The following RNF130 variants were observed in gnomAD, a reference collection of about 807,000 sequenced individuals.
The protein encoded by RNF130 is E3 ubiquitin-protein ligase RNF130.
In RNF130, 21 loss-of-function variants were observed where a neutral mutation model predicts 44.6. The observed-to-expected ratio is 0.47, with a 90% CI of 0.33 to 0.68. RNF130 has a LOEUF of 0.68. Among genes scored for constraint, RNF130 ranks in the 30% least tolerant of loss-of-function variants. RNF130 has a pLI of 0.02. For missense variants in RNF130, 479 were observed against 560.6 expected, an observed-to-expected ratio of 0.85 and a Z score of 1.47; for synonymous variants, 214 against 210.4, an observed-to-expected ratio of 1.02 and a Z score of -0.15.
At chr5:180,022,296 A>C (rs1202267974) in intron 2 of RNF130, among the ~76,000 whole-genome samples, 1 of 152,136 alleles carries the variant, frequency 6.6e-6, no homozygotes, top group East Asian at 1.9e-4. Context: ...TGAAACCTTC[A>C]GTTTACTTTT....
In RNF130 at chr5:180,071,740, T is replaced by C. The variant is rs899665777; in HGVS notation, c.-38A>G. On this transcript the variant is annotated 5_prime_UTR_variant, in exon 1 of 9. Transcript: ENST00000521389. ...AGCCGCCGCTGCTCGCGGACCGGGC[T>C]CCGGGGCCGGCGCCTAGAGGCGGGG... is the stretch of plus-strand genomic sequence containing the variant. The C allele has an allele frequency of 2.7e-5, 32 of 1,168,070 alleles. No individual in the cohort carries two copies. Among genetic ancestry groups the C allele is most frequent in the Non-Finnish European group, 3.4e-5 (32 of 949,210 alleles). The allele number at this position is 1,168,070 out of a possible 1,614,324, so 72.4% of individuals were successfully genotyped here.
At chr5:179,941,516 T>C (rs987211543) in intron 7 of RNF130, among the ~76,000 whole-genome samples, 1 of 151,968 alleles carries the variant, frequency 6.6e-6, no homozygotes, top group East Asian at 1.9e-4. Context: ...GAATTCCGAG[T>C]TTCATCTCAC....
chr5:179,915,440 T>TCGC (rs1184753909), exon 8 of RNF130: 1 of 152,758 alleles, frequency 6.5e-6, no homozygotes, highest in African/African-American at 2.4e-5. Context: ...GGCACCAGGT[T>TCGC]CGCACCTCCA....
chr5:179,937,186 C>T (rs173560), intron 7 of RNF130, among the ~76,000 whole-genome samples: 9,651 of 136,380 alleles, frequency 0.071, 397 homozygotes, highest in Middle Eastern at 0.12. Flanking sequence ...ATCATCAAAA[C>T]GAAATATCAT....
intron 7 of RNF130, among the ~76,000 whole-genome samples, chr5:179,942,810 TTGC>T (rs1407236740): frequency 6.6e-6 from 1 of 152,228 alleles, no homozygotes; most frequent in Non-Finnish European, 1.5e-5. Context: ...CTCTGCGAAT[TTGC>T]TGCTATGGGT....
intron 7 of RNF130, among the ~76,000 whole-genome samples, chr5:179,929,311 G>C (rs1369110624): frequency 6.6e-6 from 1 of 152,200 alleles, no homozygotes; most frequent in Non-Finnish European, 1.5e-5. Context: ...TTGTTCTGCT[G>C]TCTGTCCATC....
At chr5:180,069,910 G>A (rs537779046) in intron 1 of RNF130, among the ~76,000 whole-genome samples, 1 of 152,184 alleles carries the variant, frequency 6.6e-6, no homozygotes, top group East Asian at 1.9e-4. Flanking sequence ...TTTGTTTGGG[G>A]TGACAGGCAA....
intron 1 of RNF130, among the ~76,000 whole-genome samples, chr5:180,046,143 A>T (rs998992443): frequency 6.6e-6 from 1 of 152,154 alleles, no homozygotes; most frequent in Non-Finnish European, 1.5e-5. Context: ...GCAGGCCCAC[A>T]GTGCTGAGGG....
exon 8 of RNF130, chr5:179,915,333 TAAAAC>T (rs1761527895): frequency 6.6e-6 from 1 of 152,104 alleles, no homozygotes; most frequent in Non-Finnish European, 1.5e-5. Context: ...TGTCTCGAAA[TAAAAC>T]AAACAAACAA....
At chr5:179,922,124 T>C (rs1036139878) in intron 7 of RNF130, among the ~76,000 whole-genome samples, 20 of 151,822 alleles carry the variant, frequency 1.3e-4, no homozygotes, top group African/African-American at 4.9e-4. Flanking sequence ...ATGGTCAGTC[T>C]TGGAAAAGTT....
downstream of RNF130, among the ~76,000 whole-genome samples, chr5:179,951,737 T>C (rs1387935708): frequency 6.6e-6 from 1 of 152,156 alleles, no homozygotes; most frequent in African/African-American, 2.4e-5. Context: ...TAACTGAATT[T>C]AGAATGAAAT....
At chr5:180,055,248 C>CAAAAAAAAAACAA (rs1764779977) in intron 1 of RNF130, among the ~76,000 whole-genome samples, 1 of 20,980 alleles carries the variant, frequency 4.8e-5, no homozygotes, top group Non-Finnish European at 7.3e-5. Flanking sequence ...GGTTCTGTCT[C>CAAAAAAAAAACAA]AAAAAAAAAA....
intron 1 of RNF130, among the ~76,000 whole-genome samples, chr5:180,060,636 A>G (rs569863793): frequency 6.6e-6 from 1 of 152,314 alleles, no homozygotes; most frequent in South Asian, 2.1e-4. Context: ...TGGGGCTTCA[A>G]GAGGCAACTG....
intron 1 of RNF130, among the ~76,000 whole-genome samples, chr5:180,055,723 C>T (rs1764803348): frequency 6.6e-6 from 1 of 152,008 alleles, no homozygotes; most frequent in African/African-American, 2.4e-5. Context: ...TTTAAAAACC[C>T]CAGCAAAAAT....
chr5:180,005,270 A>C (rs1008636833), intron 3 of RNF130, among the ~76,000 whole-genome samples: 3 of 152,194 alleles, frequency 2.0e-5, no homozygotes, highest in Non-Finnish European at 4.4e-5. Flanking sequence ...TCTACTAAAA[A>C]TACAAAAATT....
rs199997674 is a variant in RNF130 at position 179,973,832 on chromosome 5, C to CAT, written c.849-3327_849-3326insAT. Among the ~76,000 whole-genome samples, 851 of 152,246 alleles carry CAT rather than the reference C, an allele frequency of 5.6e-3. 4 individuals carry two copies. The highest frequency in any genetic ancestry group is 0.017 in the African/African-American group (702 of 41,532). On this transcript the variant is annotated intron_variant, in intron 5 of 8. Transcript: ENST00000521389. ...GTGCATCGGGACGGAAAGCAGGTAA[C>CAT]GTGGACAGTGAAACCTGAAAAGCAC...
intron 1 of RNF130, among the ~76,000 whole-genome samples, chr5:180,052,046 G>A (rs1354024156): frequency 6.6e-6 from 1 of 152,124 alleles, no homozygotes; most frequent in Non-Finnish European, 1.5e-5. Context: ...GAGGCTCTCT[G>A]TTCTCTTGGC....
intron 5 of RNF130, among the ~76,000 whole-genome samples, chr5:179,974,995 T>C (rs946330691): frequency 2.6e-5 from 4 of 152,152 alleles, no homozygotes; most frequent in East Asian, 1.9e-4. Flanking sequence ...AGTTAAGGTG[T>C]TGAAGTAGAG....
chr5:180,003,818 C>G (rs1763401795), intron 3 of RNF130, among the ~76,000 whole-genome samples: 1 of 152,140 alleles, frequency 6.6e-6, no homozygotes, highest in Non-Finnish European at 1.5e-5. Context: ...AAACACCATG[C>G]CATTAAGTCA....
Sources: gnomAD v4.1 joint callset for allele counts (sites outside exome capture counted in the v4.1 genomes callset) on GRCh38, gnomAD v4.1.1 for gene constraint, MANE v1.5 for transcripts, NCBI Gene and HGNC (gene_info 2026-07-23, HGNC 2026-07-21) for gene names.